SPAG16: variants seen among roughly 807,000 people sequenced by gnomAD.
The protein encoded by SPAG16 is sperm-associated antigen 16 protein.
In SPAG16, 86 loss-of-function variants were observed where a neutral mutation model predicts 80.4. The ratio of observed to expected loss-of-function variants is 1.07; its 90% CI spans 0.90 to 1.28. SPAG16 has a LOEUF of 1.28. Among genes scored for constraint, SPAG16 ranks in the 50% most tolerant of loss-of-function variants. SPAG16 has a pLI of 0.00. For missense variants in SPAG16, 870 were observed against 765.3 expected (o/e 1.14, Z -1.61); for synonymous variants, 294 against 265.9 (o/e 1.11, Z -1.03).
At chr2:213,899,449 A>C (rs2077125263) in intron 11 of SPAG16, among the ~76,000 whole-genome samples, 1 of 152,100 alleles carries the variant, frequency 6.6e-6, no homozygotes, top group African/African-American at 2.4e-5. Context: ...CTGCATGATA[A>C]AATTATAAAA....
chr2:214,247,737 A>G (rs66999154), intron 15 of SPAG16, among the ~76,000 whole-genome samples: 64,666 of 151,956 alleles, frequency 0.43, 15,598 homozygotes, highest in South Asian at 0.58. Context: ...TGATGTGACA[A>G]AAAATCAACG....
intron 12 of SPAG16, among the ~76,000 whole-genome samples, chr2:213,939,321 GA>G (rs1285040969): frequency 6.6e-6 from 1 of 152,168 alleles, no homozygotes; most frequent in Non-Finnish European, 1.5e-5. Flanking sequence ...TTACATTACA[GA>G]AAAAAGTGTC....
chr2:214,038,437 C>T (rs1218692988), intron 13 of SPAG16, among the ~76,000 whole-genome samples: 1 of 151,658 alleles, frequency 6.6e-6, no homozygotes, highest in Non-Finnish European at 1.5e-5. Context: ...AATATTATTA[C>T]TCCACTCTCA....
At position 213,334,465 on chromosome 2, in the gene SPAG16, A is replaced by C. The variant is rs190911278; in HGVS notation, c.537-5698A>C. The stretch of plus-strand genomic sequence containing the variant: ...ATCTTACTGCTGGGTGTATATACCC[A>C]AAAGAAAGGAAATCAGTATATCAAA... On this transcript the variant is annotated intron_variant, in intron 5 of 15. Transcript: ENST00000331683. Among the ~76,000 whole-genome samples, 399 of 152,314 alleles carry C rather than the reference A, an allele frequency of 2.6e-3. 2 individuals are homozygous for C. The highest frequency in any genetic ancestry group is 4.5e-3 in the Non-Finnish European group (308 of 68,014).
chr2:213,464,273 A>C (rs192644198), intron 9 of SPAG16, among the ~76,000 whole-genome samples: 1 of 152,334 alleles, frequency 6.6e-6, no homozygotes, highest in Non-Finnish European at 1.5e-5. Flanking sequence ...CATGGGCATG[A>C]GAGTAATCCA....
intron 5 of SPAG16, among the ~76,000 whole-genome samples, chr2:213,338,434 G>A (rs1358383628): frequency 6.6e-6 from 1 of 152,138 alleles, no homozygotes; most frequent in African/African-American, 2.4e-5. Flanking sequence ...CTGGATAGAG[G>A]CAAGATTCAT....
chr2:213,702,489 C>G (rs1378771670), intron 10 of SPAG16, among the ~76,000 whole-genome samples: 1 of 152,218 alleles, frequency 6.6e-6, no homozygotes, highest in African/African-American at 2.4e-5. Flanking sequence ...GAACAAACAA[C>G]TCCAGCCACA....
chr2:214,044,482 A>G (rs1043882281), intron 13 of SPAG16, among the ~76,000 whole-genome samples: 11 of 152,180 alleles, frequency 7.2e-5, no homozygotes, highest in Non-Finnish European at 7.4e-5. Context: ...GTGGAACAAT[A>G]TGGAAGAATA....
chr2:213,385,187 C>A (rs2067363438), intron 9 of SPAG16, among the ~76,000 whole-genome samples: 1 of 152,102 alleles, frequency 6.6e-6, no homozygotes, highest in African/African-American at 2.4e-5. Flanking sequence ...TATGGTGTAT[C>A]CACTCTCACA....
chr2:213,559,293 G>T (rs1488327380), intron 10 of SPAG16, among the ~76,000 whole-genome samples: 1 of 152,120 alleles, frequency 6.6e-6, no homozygotes, highest in Non-Finnish European at 1.5e-5. Flanking sequence ...GTCAGCAGGT[G>T]CATGAGCTTC....
At chr2:213,916,302 G>A (rs541978295) in intron 11 of SPAG16, among the ~76,000 whole-genome samples, 1 of 152,250 alleles carries the variant, frequency 6.6e-6, no homozygotes, top group South Asian at 2.1e-4. Flanking sequence ...AAGGTGTAAG[G>A]AAGGGATCCA....
intron 9 of SPAG16, among the ~76,000 whole-genome samples, chr2:213,394,981 A>G (rs1347251023): frequency 6.6e-6 from 1 of 152,078 alleles, no homozygotes; most frequent in Non-Finnish European, 1.5e-5. Flanking sequence ...GAATTGTTCC[A>G]TTTCATCCAA....
At chr2:213,864,734 T>A (rs944515338) in intron 11 of SPAG16, among the ~76,000 whole-genome samples, 2 of 152,142 alleles carry the variant, frequency 1.3e-5, no homozygotes, top group African/African-American at 4.8e-5. Context: ...AGGCACTCTA[T>A]CTTCTGCAAT....
chr2:214,270,661 G>A (rs1221129235), intron 15 of SPAG16, among the ~76,000 whole-genome samples: 1 of 152,102 alleles, frequency 6.6e-6, no homozygotes. Flanking sequence ...CATTTTAGGA[G>A]TTTTCACTTG....
intron 15 of SPAG16, among the ~76,000 whole-genome samples, chr2:214,164,929 G>T (rs1035160765): frequency 3.9e-5 from 6 of 152,056 alleles, no homozygotes; most frequent in African/African-American, 1.4e-4. Flanking sequence ...GAAAAATTTT[G>T]TAAACTACTC....
chr2:213,853,373 C>A (rs892126715), intron 10 of SPAG16, among the ~76,000 whole-genome samples: 1 of 152,100 alleles, frequency 6.6e-6, no homozygotes, highest in Non-Finnish European at 1.5e-5. Context: ...CTGGAAAGAA[C>A]AATTTCAATT....
At chr2:214,378,470 G>T (rs1356899551) in intron 15 of SPAG16, among the ~76,000 whole-genome samples, 1 of 152,176 alleles carries the variant, frequency 6.6e-6, no homozygotes. Context: ...CTGTTTCACT[G>T]ATGTTATCCT....
At chr2:213,434,828 G>A (rs774469381) in intron 9 of SPAG16, among the ~76,000 whole-genome samples, 5 of 152,138 alleles carry the variant, frequency 3.3e-5, no homozygotes, top group African/African-American at 9.6e-5. Flanking sequence ...AGGATGCAGA[G>A]AATAGTGAAG....
At chr2:213,315,431 C>T (rs931251230) in intron 4 of SPAG16, among the ~76,000 whole-genome samples, 1 of 151,882 alleles carries the variant, frequency 6.6e-6, no homozygotes, top group Non-Finnish European at 1.5e-5. Flanking sequence ...CTTTTGTAAT[C>T]GTCCCGCTTT....
Sources: allele counts gnomAD v4.1 joint callset (sites outside exome capture counted in the v4.1 genomes callset), GRCh38; gene constraint gnomAD v4.1.1; transcripts MANE v1.5; gene names NCBI Gene and HGNC (gene_info 2026-07-23, HGNC 2026-07-21).